KLHL4: variants seen among roughly 807,000 people sequenced by gnomAD.
KLHL4 encodes the protein kelch-like protein 4.
Under a neutral mutation model 45.8 loss-of-function variants are expected in KLHL4, and 17 were observed. That is an observed-to-expected ratio of 0.37 (90% CI 0.25 to 0.56). The LOEUF (loss-of-function observed/expected upper bound fraction) is 0.56. KLHL4 is among the 20% of genes least tolerant of loss of function. KLHL4 has a pLI of 0.79. For synonymous variants in KLHL4, 224 were observed against 189.9 expected (o/e 1.18, Z -1.47); for missense variants, 544 against 544.9 (o/e 1.00, Z 0.02).
intron 1 of KLHL4, among the ~76,000 whole-genome samples, chrX:87,531,983 T>G (rs889130692): frequency 5.6e-5 from 6 of 106,450 alleles, no homozygotes; most frequent in African/African-American, 2.1e-4. Context: ...AAAAAAATAC[T>G]TTAAAGTTCA....
At chrX:87,569,887 G>A (rs374041776) in intron 1 of KLHL4, among the ~76,000 whole-genome samples, 5 of 110,980 alleles carry the variant, frequency 4.5e-5, no homozygotes, top group African/African-American at 9.8e-5. Context: ...AAAATGTTTC[G>A]GAAATAAATG....
chrX:87,566,453 C>A (rs1488079688), intron 1 of KLHL4, among the ~76,000 whole-genome samples: 1 of 111,819 alleles, frequency 8.9e-6, no homozygotes, highest in African/African-American at 3.3e-5. Context: ...TTAGCCTAAT[C>A]CACCTTAAAT....
intron 1 of KLHL4, among the ~76,000 whole-genome samples, chrX:87,556,854 C>G (rs1251241491): frequency 9.0e-6 from 1 of 110,818 alleles, no homozygotes; most frequent in Non-Finnish European, 1.9e-5. Flanking sequence ...TTTGATCATG[C>G]AGGATTTTTT....
intron 1 of KLHL4, among the ~76,000 whole-genome samples, chrX:87,533,975 C>A (rs986035767): frequency 7.2e-5 from 8 of 111,391 alleles, no homozygotes; most frequent in Non-Finnish European, 1.5e-4. Context: ...GAGTGATGAT[C>A]AGTTTATCTA....
intron 1 of KLHL4, among the ~76,000 whole-genome samples, chrX:87,588,518 CAA>C (rs1921553360): frequency 9.0e-6 from 1 of 111,039 alleles, no homozygotes; most frequent in Non-Finnish European, 1.9e-5. Context: ...TCATTTTAGA[CAA>C]AGATGCCACA....
chrX:87,564,051 T>C (rs764911387), intron 1 of KLHL4, among the ~76,000 whole-genome samples: 6 of 110,622 alleles, frequency 5.4e-5, no homozygotes, highest in Non-Finnish European at 1.1e-4. Flanking sequence ...TGCTAAAAGT[T>C]CTGCAGTACA....
At chrX:87,543,977 ACAT>A (rs1931620555) in intron 1 of KLHL4, among the ~76,000 whole-genome samples, 1 of 110,990 alleles carries the variant, frequency 9.0e-6, no homozygotes, top group Admixed American at 9.6e-5. Context: ...TCAGGTATCA[ACAT>A]CAGCAGGGGA....
chrX:87,633,956 A>G (rs1233502855), intron 8 of KLHL4, 45 bp downstream of exon 8: 2 of 1,047,778 alleles, frequency 1.9e-6, no homozygotes, highest in East Asian at 3.1e-5. Flanking sequence ...CAGGTCATAT[A>G]GTATAGAACT....
At position 87,596,268 on chromosome X, in the gene KLHL4, G is replaced by A. The variant is rs184342025; in HGVS notation, c.423-17609G>A. 3.6e-5 allele frequency among the ~76,000 whole-genome samples: 4 copies of A among 112,264 alleles called. No individual in the cohort carries two copies. The Admixed American group carries it at 3.8e-4, about 11-fold the overall frequency. On this transcript the variant is annotated intron_variant, in intron 1 of 10. Transcript: ENST00000373119. ...GTGTCAGATAATTTTTTATAGCAAA[G>A]TGAGAATGGACTAATAGAACATGCA...
At position 87,590,311 on chromosome X, in the gene KLHL4, A is replaced by C. The variant is rs781347707; in HGVS notation, c.423-23566A>C. ...AAAATAAAATCAGCCAAACCCCCCCAGAAAACGATATAATCCTGATGAAAA... is the reference window on the plus strand; with the variant it reads ...AAAATAAAATCAGCCAAACCCCCCCCGAAAACGATATAATCCTGATGAAAA... On this transcript the variant is annotated intron_variant, in intron 1 of 10. Transcript: ENST00000373119. Among the ~76,000 whole-genome samples, 3 of 109,805 alleles carry C rather than the reference A, an allele frequency of 2.7e-5. No individual in the cohort carries two copies. The East Asian group carries it at 8.6e-4, about 32-fold the overall frequency.
intron 9 of KLHL4, among the ~76,000 whole-genome samples, chrX:87,640,654 A>T (rs1923424715): frequency 9.0e-6 from 1 of 111,658 alleles, no homozygotes; most frequent in Non-Finnish European, 1.9e-5. Context: ...TTATCATTAA[A>T]ACCCTCAGCA....
intron 1 of KLHL4, among the ~76,000 whole-genome samples, chrX:87,556,235 C>A (rs1017720453): frequency 1.9e-4 from 21 of 110,663 alleles, no homozygotes; most frequent in African/African-American, 6.6e-4. Flanking sequence ...ATATTTATTG[C>A]AGCACTATTC....
intron 1 of KLHL4, among the ~76,000 whole-genome samples, chrX:87,586,086 C>T (rs376503376): frequency 5.2e-4 from 58 of 111,299 alleles, no homozygotes; most frequent in African/African-American, 1.8e-3. Flanking sequence ...AAAAACTTTT[C>T]ATATATATGC....
chrX:87,635,459 A>G, intron 8 of KLHL4, 104 bp from the exon 9 acceptor site: 1 of 571,278 alleles, frequency 1.8e-6, no homozygotes. Flanking sequence ...CAGAAACTTG[A>G]AAAGCTTTGT....
intron 6 of KLHL4, among the ~76,000 whole-genome samples, chrX:87,631,598 G>A (rs1200355346): frequency 1.8e-5 from 2 of 111,311 alleles, no homozygotes; most frequent in African/African-American, 3.3e-5. Context: ...TGCAGCCTCC[G>A]CCTCCTGGGC....
At chrX:87,518,475 G>T (rs1930935805) in intron 1 of KLHL4, among the ~76,000 whole-genome samples, 160 bp downstream of exon 1, 1 of 111,899 alleles carries the variant, frequency 8.9e-6, no homozygotes, top group African/African-American at 3.2e-5. Flanking sequence ...GTTTATAAAA[G>T]AAAACAGCAA....
At chrX:87,612,231 C>T (rs193263026) in intron 1 of KLHL4, among the ~76,000 whole-genome samples, 43 of 111,792 alleles carry the variant, frequency 3.8e-4, no homozygotes, top group African/African-American at 1.3e-3. Context: ...TTACTTACCC[C>T]CAGAGCAAGT....
Position 87,632,210 on chromosome X carries a change from G to T in KLHL4, c.1325G>T (p.Gly442Val), listed in dbSNP as rs1569357674. 1 of 1,133,812 alleles carries T rather than the reference G, an allele frequency of 8.8e-7. No homozygotes were observed. The highest frequency in any genetic ancestry group is 1.2e-6 in the Non-Finnish European group (1 of 825,915). 93.4% of individuals were successfully genotyped at this position (1,133,812 alleles called of 1,213,427 possible). The part of the protein sequence containing the change: ...YAVGGMDAMK[G>V]TTTIEKYDLR... ...CCGTTGTTCAATATCCCTTTGTCAG[G>T]TACTACTACTATTGAAAAATATGAC... The change falls in exon 7 of 11, where the codon GGT becomes GTT. Residue 442 changes from glycine (G) to valine (V), a missense_variant and splice_region_variant. Coordinates refer to ENST00000373119, the MANE Select transcript of KLHL4 (RefSeq NM_019117.5).
At chrX:87,549,819 G>C (rs948608018) in intron 1 of KLHL4, among the ~76,000 whole-genome samples, 1 of 110,475 alleles carries the variant, frequency 9.1e-6, no homozygotes, top group Middle Eastern at 4.4e-3. Context: ...ATAAAAAAGA[G>C]GAAAGACTTC....
Sources: allele counts gnomAD v4.1 joint callset (sites outside exome capture counted in the v4.1 genomes callset), GRCh38; gene constraint gnomAD v4.1.1; transcripts MANE v1.5; gene names NCBI Gene and HGNC (gene_info 2026-07-23, HGNC 2026-07-21).